The following SLC25A18 variants were observed in gnomAD, a reference collection of about 807,000 sequenced individuals.
SLC25A18 encodes mitochondrial glutamate carrier 2.
Under a neutral mutation model 31.1 loss-of-function variants are expected in SLC25A18, and 24 were observed. That is an observed-to-expected ratio of 0.77 (90% confidence interval 0.56 to 1.08). The LOEUF is 1.08. Among genes scored for constraint, SLC25A18 ranks in the 50% least tolerant of loss-of-function variants. SLC25A18 has a pLI of 0.00. For synonymous variants in SLC25A18, 173 were observed against 161.9 expected (o/e 1.07, Z -0.52); for missense variants, 371 against 418.5 (o/e 0.89, Z 0.99).
chr22:17,572,445 A>T (rs561936248), intron 2 of SLC25A18, among the ~76,000 whole-genome samples: 21 of 144,588 alleles, frequency 1.5e-4, no homozygotes, highest in Non-Finnish European at 2.4e-4. Flanking sequence ...AGATCGTGCC[A>T]TTGCACTCCA....
chr22:17,563,913 T>A (rs992245627), intron 1 of SLC25A18, among the ~76,000 whole-genome samples, 200 bp downstream of exon 1: 1 of 152,056 alleles, frequency 6.6e-6, no homozygotes, highest in Non-Finnish European at 1.5e-5. Flanking sequence ...AGGAAAAATA[T>A]TTTTGGTTCC....
intron 10 of SLC25A18, 77 bp from the exon 11 acceptor site, chr22:17,590,018 A>C: frequency 6.3e-7 from 1 of 1,583,158 alleles, no homozygotes; most frequent in Admixed American, 1.7e-5. Context: ...AGAGGTGCAC[A>C]AATGGAGAGG....
At chr22:17,566,593 G>A (rs1018015496) in intron 1 of SLC25A18, among the ~76,000 whole-genome samples, 3 of 151,976 alleles carry the variant, frequency 2.0e-5, no homozygotes, top group Non-Finnish European at 4.4e-5. Context: ...TGTATTTTTA[G>A]TAGAGACGGG....
At chr22:17,568,718 C>T (rs1252809512) in intron 1 of SLC25A18, among the ~76,000 whole-genome samples, 3 of 151,222 alleles carry the variant, frequency 2.0e-5, no homozygotes, top group African/African-American at 4.9e-5. Flanking sequence ...CCTGCCACCA[C>T]GCCTGACTAA....
chr22:17,571,990 C>CG (rs2057100401), intron 2 of SLC25A18, among the ~76,000 whole-genome samples: 1 of 151,744 alleles, frequency 6.6e-6, no homozygotes, highest in South Asian at 2.1e-4. Context: ...GCACTCTAGC[C>CG]TGGGCAACAG....
chr22:17,565,324 A>G (rs2056908107), intron 1 of SLC25A18, among the ~76,000 whole-genome samples: 1 of 151,700 alleles, frequency 6.6e-6, no homozygotes, highest in African/African-American at 2.4e-5. Context: ...CTCGTGATCC[A>G]CCCACCTCGG....
At chr22:17,568,235 T>A (rs550973975) in intron 1 of SLC25A18, among the ~76,000 whole-genome samples, 1 of 151,194 alleles carries the variant, frequency 6.6e-6, no homozygotes, top group Non-Finnish European at 1.5e-5. Flanking sequence ...GGTGTGGTGG[T>A]GGGCACCTGT....
intron 4 of SLC25A18, 88 bp from the exon 5 acceptor site, chr22:17,581,270 T>G: frequency 6.3e-7 from 1 of 1,592,432 alleles, no homozygotes. Flanking sequence ...GGGGATCTGA[T>G]CAGCTGGGAT....
At chr22:17,565,288 G>C (rs910440257) in intron 1 of SLC25A18, among the ~76,000 whole-genome samples, 14 of 151,904 alleles carry the variant, frequency 9.2e-5, no homozygotes, top group African/African-American at 3.4e-4. Context: ...TTGCCATGTT[G>C]GCCAGGATGG....
chr22:17,565,605 C>A (rs897492128), intron 1 of SLC25A18, among the ~76,000 whole-genome samples: 1 of 151,704 alleles, frequency 6.6e-6, no homozygotes, highest in South Asian at 2.1e-4. Context: ...TGTTGGCTCA[C>A]GCCTGTAATA....
intron 7 of SLC25A18, among the ~76,000 whole-genome samples, chr22:17,584,498 C>T (rs1444033160): frequency 2.1e-5 from 3 of 143,788 alleles, no homozygotes; most frequent in South Asian, 2.3e-4. Flanking sequence ...AAAGAAATGC[C>T]GCCCAGCGTG....
At chr22:17,580,955 C>T in intron 3 of SLC25A18, 82 bp from the exon 4 acceptor site, 5 of 1,481,278 alleles carry the variant, frequency 3.4e-6, no homozygotes, top group Non-Finnish European at 3.6e-6. Flanking sequence ...TGTCTGTGCC[C>T]CTGCCCATTC....
intron 7 of SLC25A18, among the ~76,000 whole-genome samples, chr22:17,585,644 A>ATTTTTTTTTTTTTTTTTTTT (rs1374922417): frequency 7.5e-6 from 1 of 133,364 alleles, no homozygotes; most frequent in African/African-American, 3.1e-5. Context: ...TATTATTATT[A>ATTTTTTTTTTTTTTTTTTTT]TTATTATTTT....
chr22:17,568,130 T>G (rs1028166499), intron 1 of SLC25A18, among the ~76,000 whole-genome samples: 3 of 151,976 alleles, frequency 2.0e-5, no homozygotes, highest in Non-Finnish European at 4.4e-5. Context: ...TTTGGGAGGC[T>G]GAGGCGGGCG....
At chr22:17,579,136 T>C (rs1475240914) in intron 2 of SLC25A18, among the ~76,000 whole-genome samples, 1 of 152,092 alleles carries the variant, frequency 6.6e-6, no homozygotes, top group East Asian at 1.9e-4. Context: ...TCGCCCAGGC[T>C]GGAGTGCAGT....
At chr22:17,576,366 A>G (rs1311597092) in intron 2 of SLC25A18, among the ~76,000 whole-genome samples, 5 of 149,210 alleles carry the variant, frequency 3.4e-5, no homozygotes, top group Non-Finnish European at 7.5e-5. Context: ...AAAAAAAAAG[A>G]AAAAAAAAAG....
chr22:17,587,899 C>G (rs2057599315), intron 8 of SLC25A18, 26 bp from the exon 9 acceptor site: 2 of 1,613,674 alleles, frequency 1.2e-6, no homozygotes, highest in Non-Finnish European at 1.7e-6. Flanking sequence ...GCTCGGAGCT[C>G]AGTGTTTCTC....
At chr22:17,572,766 C>G (rs960001603) in intron 2 of SLC25A18, among the ~76,000 whole-genome samples, 1 of 146,508 alleles carries the variant, frequency 6.8e-6, no homozygotes, top group Non-Finnish European at 1.5e-5. Flanking sequence ...CTCAGCCTCC[C>G]GAGTAGCTGG....
chr22:17,582,284 G>A (rs2057400156), intron 5 of SLC25A18: 1 of 231,708 alleles, frequency 4.3e-6, no homozygotes, highest in Non-Finnish European at 8.4e-6. Context: ...GCCGAGGCAG[G>A]AGAATGGCGC....
Sources: gnomAD v4.1 joint callset for allele counts (sites outside exome capture counted in the v4.1 genomes callset) on GRCh38, gnomAD v4.1.1 for gene constraint, MANE v1.5 for transcripts, NCBI Gene and HGNC (gene_info 2026-07-23, HGNC 2026-07-21) for gene names.